PTPRD: variants seen among roughly 807,000 people sequenced by gnomAD.
The protein encoded by PTPRD is protein tyrosine phosphatase receptor type D.
A neutral mutation model predicts 214.5 loss-of-function variants in PTPRD; 34 were observed. The observed-to-expected ratio is 0.16, with a 90% CI of 0.12 to 0.21. The LOEUF (loss-of-function observed/expected upper bound fraction) is 0.21, where lower values mean the gene tolerates loss of function less well. Among genes scored for constraint, PTPRD ranks in the 10% least tolerant of loss-of-function variants. The probability of loss-of-function intolerance (pLI) is 1.00; values close to 1 mark genes in which losing one functional copy is unlikely to be tolerated. For synonymous variants in PTPRD, 1,128 were observed against 845.7 expected, an observed-to-expected ratio of 1.33 and a Z score of -5.79; for missense variants, 2,545 against 2,398.7, an observed-to-expected ratio of 1.06 and a Z score of -1.27.
At chr9:8,432,305 G>A (rs947727413) in intron 35 of PTPRD, among the ~76,000 whole-genome samples, 1 of 152,232 alleles carries the variant, frequency 6.6e-6, no homozygotes, top group African/African-American at 2.4e-5. Context: ...AAGACCTGCA[G>A]AGATGGGGTT....
intron 11 of PTPRD, among the ~76,000 whole-genome samples, chr9:8,998,795 T>C (rs929340575): frequency 1.3e-5 from 2 of 151,232 alleles, no homozygotes; most frequent in Admixed American, 1.3e-4. Flanking sequence ...TTGGGATTCA[T>C]GGGTTAAGGC....
intron 24 of PTPRD, 80 bp from the exon 25 acceptor site, chr9:8,499,920 T>G: frequency 7.9e-7 from 1 of 1,263,428 alleles, no homozygotes; most frequent in Non-Finnish European, 1.1e-6. Flanking sequence ...TTTCTTTACT[T>G]AGGTTTCTCT....
At chr9:9,792,574 C>G (rs1257604203) in intron 5 of PTPRD, among the ~76,000 whole-genome samples, 1 of 152,116 alleles carries the variant, frequency 6.6e-6, no homozygotes, top group African/African-American at 2.4e-5. Context: ...TTATGTCTCA[C>G]ACTGAAAACT....
At chr9:10,127,229 G>T (rs957771931) in intron 3 of PTPRD, among the ~76,000 whole-genome samples, 2 of 152,082 alleles carry the variant, frequency 1.3e-5, no homozygotes, top group Non-Finnish European at 2.9e-5. Flanking sequence ...CACAAACGGT[G>T]CCAGAGTACT....
chr9:8,980,538 A>C (rs74712988), intron 11 of PTPRD, among the ~76,000 whole-genome samples: 91 of 152,242 alleles, frequency 6.0e-4, no homozygotes, highest in African/African-American at 1.5e-3. Context: ...CTATTGGAAA[A>C]TAACATTAGG....
intron 3 of PTPRD, among the ~76,000 whole-genome samples, chr9:10,101,818 C>T (rs959573274): frequency 1.3e-5 from 2 of 151,628 alleles, no homozygotes; most frequent in Admixed American, 1.3e-4. Flanking sequence ...ATATTAGAGG[C>T]CACACATTAC....
chr9:8,639,767 T>G (rs1454383228), intron 12 of PTPRD, among the ~76,000 whole-genome samples: 3 of 152,162 alleles, frequency 2.0e-5, no homozygotes, highest in Non-Finnish European at 4.4e-5. Context: ...CATCTGGAAA[T>G]AACTGGTGGG....
chr9:10,001,009 T>C (rs1280606323), intron 4 of PTPRD, among the ~76,000 whole-genome samples: 1 of 152,196 alleles, frequency 6.6e-6, no homozygotes, highest in Non-Finnish European at 1.5e-5. Context: ...CGACCACTTT[T>C]TCGCAGCAGC....
intron 2 of PTPRD, among the ~76,000 whole-genome samples, chr9:10,495,426 G>C (rs1025811977): frequency 1.3e-5 from 2 of 151,742 alleles, no homozygotes; most frequent in Non-Finnish European, 3.0e-5. Context: ...TCAGCTGATG[G>C]TGATAGTATT....
chr9:9,851,658 T>C (rs1422885700), intron 5 of PTPRD, among the ~76,000 whole-genome samples: 1 of 152,212 alleles, frequency 6.6e-6, no homozygotes, highest in Admixed American at 6.5e-5. Context: ...TGCACACCTA[T>C]AGTCCCCATT....
rs566312137 is a variant in PTPRD, at chr9:9,491,921, G to GA, written c.-237+82810dup. 9.9e-5 allele frequency among the ~76,000 whole-genome samples: 15 copies of GA among 151,952 alleles called. No individual in the cohort carries two copies. In the South Asian group the frequency reaches 2.7e-3, roughly 27 times the overall value. ...GCAGAGATCAATGAAATAGATAATA[G>GA]AAAAACAGTAGAGTAAATCAATGAA... On this transcript the variant is annotated intron_variant, in intron 8 of 45. Coordinates refer to ENST00000381196, the MANE Select transcript of PTPRD (RefSeq NM_002839.4).
At chr9:9,310,961 A>ATAAC (rs1320333911) in intron 9 of PTPRD, among the ~76,000 whole-genome samples, 49 of 149,876 alleles carry the variant, frequency 3.3e-4, no homozygotes, top group Admixed American at 6.6e-4. Flanking sequence ...AAATAAATAA[A>ATAAC]TAACATTCTC....
intron 8 of PTPRD, among the ~76,000 whole-genome samples, chr9:9,408,385 C>T (rs568716917): frequency 6.6e-6 from 1 of 151,852 alleles, no homozygotes; most frequent in East Asian, 1.9e-4. Flanking sequence ...CCAACCCATA[C>T]AGCTCAAATA....
intron 7 of PTPRD, among the ~76,000 whole-genome samples, chr9:9,720,537 G>A (rs938308822): frequency 2.0e-5 from 3 of 152,192 alleles, no homozygotes; most frequent in African/African-American, 7.2e-5. Flanking sequence ...TAGAATGACT[G>A]TGTGTTGCTT....
chr9:9,359,999 A>T (rs910853883), intron 9 of PTPRD, among the ~76,000 whole-genome samples: 2 of 151,334 alleles, frequency 1.3e-5, no homozygotes, highest in African/African-American at 4.8e-5. Context: ...TCTAGTAAGG[A>T]TGCTTCAGTG....
At chr9:10,076,102 A>G (rs1270613030) in intron 3 of PTPRD, among the ~76,000 whole-genome samples, 1 of 152,072 alleles carries the variant, frequency 6.6e-6, no homozygotes, top group Admixed American at 6.6e-5. Context: ...TTCACTGCCA[A>G]CATCTTCATA....
chr9:8,423,676 T>A (rs1167400461), intron 35 of PTPRD, among the ~76,000 whole-genome samples: 1 of 151,906 alleles, frequency 6.6e-6, no homozygotes, highest in East Asian at 1.9e-4. Context: ...TAGGTCTCAC[T>A]TTTTTTTAAT....
intron 22 of PTPRD, among the ~76,000 whole-genome samples, chr9:8,506,866 C>G (rs2097552010): frequency 6.6e-6 from 1 of 152,140 alleles, no homozygotes; most frequent in Non-Finnish European, 1.5e-5. Context: ...ATCTTTGAAA[C>G]CAGGGTGGAA....
intron 27 of PTPRD, among the ~76,000 whole-genome samples, chr9:8,491,018 T>C (rs375129185): frequency 1.3e-5 from 2 of 152,228 alleles, no homozygotes; most frequent in East Asian, 1.9e-4. Context: ...AACAAATTGA[T>C]ATATTCACTA....
Sources: gnomAD v4.1 joint callset for allele counts (sites outside exome capture counted in the v4.1 genomes callset) on GRCh38, gnomAD v4.1.1 for gene constraint, MANE v1.5 for transcripts, NCBI Gene and HGNC (gene_info 2026-07-23, HGNC 2026-07-21) for gene names.